Variants in SRRM3 observed in about 807,000 individuals in gnomAD.
SRRM3 encodes the protein serine/arginine repetitive matrix 3.
In SRRM3, 27 loss-of-function variants were observed where a neutral mutation model predicts 66.2. The ratio of observed to expected loss-of-function variants is 0.41; its 90% CI spans 0.30 to 0.56. SRRM3 has a LOEUF of 0.56. SRRM3 is among the 20% of genes least tolerant of loss of function. The probability of loss-of-function intolerance (pLI) is 0.32; values close to 1 mark genes in which losing one functional copy is unlikely to be tolerated. For missense variants in SRRM3, 918 were observed against 991.9 expected (o/e 0.93, Z 1.00); for synonymous variants, 391 against 414.9 (o/e 0.94, Z 0.70).
chr7:76,246,586 G>A (rs3857781), intron 2 of SRRM3, among the ~76,000 whole-genome samples: 35,231 of 151,570 alleles, frequency 0.23, 4,404 homozygotes, highest in East Asian at 0.45. Context: ...TTAAAAAAAA[G>A]AGAGAAAAGA....
chr7:76,275,843 G>A (rs1310639587), intron 11 of SRRM3, among the ~76,000 whole-genome samples: 1 of 152,076 alleles, frequency 6.6e-6, no homozygotes, highest in African/African-American at 2.4e-5. Context: ...AGGAGGCCGA[G>A]GCAGGAGGAT....
intron 3 of SRRM3, among the ~76,000 whole-genome samples, chr7:76,253,543 C>T (rs138421501): frequency 0.072 from 10,975 of 151,538 alleles, 957 homozygotes; most frequent in African/African-American, 0.2. Flanking sequence ...ATGGCGTGAA[C>T]CCGGGAGGTG....
chr7:76,267,909 C>G (rs1403146622), intron 11 of SRRM3: 1 of 152,606 alleles, frequency 6.6e-6, no homozygotes, highest in Non-Finnish European at 1.4e-5. Flanking sequence ...GGCCCCACCT[C>G]TGAGCACCCC....
intron 1 of SRRM3, among the ~76,000 whole-genome samples, chr7:76,222,779 G>T (rs1442187650): frequency 2.0e-5 from 3 of 151,930 alleles, no homozygotes; most frequent in Non-Finnish European, 4.4e-5. Context: ...CCGCCACCAT[G>T]CCTGGCTAAT....
intron 1 of SRRM3, among the ~76,000 whole-genome samples, chr7:76,231,463 C>A (rs1801012936): frequency 6.6e-6 from 1 of 152,244 alleles, no homozygotes; most frequent in Non-Finnish European, 1.5e-5. Flanking sequence ...CAGCTTTCCG[C>A]CTCTGCCCTC....
At chr7:76,210,473 G>A (rs900154787) in intron 1 of SRRM3, among the ~76,000 whole-genome samples, 3 of 152,282 alleles carry the variant, frequency 2.0e-5, no homozygotes, top group Middle Eastern at 3.4e-3. Context: ...AGCAGAGATC[G>A]TCCTTGATTC....
At chr7:76,228,531 T>G (rs1314507133) in intron 1 of SRRM3, among the ~76,000 whole-genome samples, 1 of 152,048 alleles carries the variant, frequency 6.6e-6, no homozygotes, top group Admixed American at 6.6e-5. Flanking sequence ...AAGACCAGTC[T>G]GGCCAACATA....
At chr7:76,219,321 G>T (rs1800655498) in intron 1 of SRRM3, among the ~76,000 whole-genome samples, 1 of 152,184 alleles carries the variant, frequency 6.6e-6, no homozygotes, top group Admixed American at 6.6e-5. Context: ...ACATCAATCT[G>T]CACTGATCTC....
In SRRM3 at chr7:76,283,063, G is replaced by T; in HGVS notation, c.1695G>T (p.Arg565=). The part of the protein sequence containing the change: ...RSYSPIRKRR[R]DSPSFMEPRR... Reference sequence around the variant, plus strand: ...ACTCGCCCATCCGCAAGCGGCGCCGGGACTCGCCAAGCTTCATGGAGCCGC... The same window carrying T: ...ACTCGCCCATCCGCAAGCGGCGCCGTGACTCGCCAAGCTTCATGGAGCCGC... Residue 565 remains arginine (R), a synonymous_variant, in exon 14 of 15, where the codon CGG becomes CGT. Transcript: ENST00000611745. 6.7e-7 allele frequency: 1 copy of T among 1,486,188 alleles called. No individual in the cohort carries two copies. Among genetic ancestry groups the T allele is most frequent in the Non-Finnish European group, 8.9e-7 (1 of 1,129,386 alleles). 92.1% of individuals were successfully genotyped at this position (1,486,188 alleles called of 1,614,324 possible).
intron 1 of SRRM3, among the ~76,000 whole-genome samples, chr7:76,234,411 A>G (rs1399318956): frequency 6.6e-6 from 1 of 152,126 alleles, no homozygotes; most frequent in Non-Finnish European, 1.5e-5. Flanking sequence ...TGTGGGCCCA[A>G]TCTGGGTGAG....
At chr7:76,234,874 C>T (rs895426608) in intron 1 of SRRM3, 154 bp from the exon 2 acceptor site, 4 of 583,800 alleles carry the variant, frequency 6.9e-6, no homozygotes, top group Non-Finnish European at 8.9e-6. Flanking sequence ...CCCAAAGGTG[C>T]AAACCAGCCG....
chr7:76,285,937 C>T lies in SRRM3; in HGVS notation c.*94C>T. ...GTGGGGAGGGGGCTATATCTCCTTGCCCCCAAGGCTACAAAGAGGTCTCAG... is the reference window on the plus strand; with the variant it reads ...GTGGGGAGGGGGCTATATCTCCTTGTCCCCAAGGCTACAAAGAGGTCTCAG... On this transcript the variant is annotated 3_prime_UTR_variant, in exon 15 of 15. Transcript: ENST00000611745. The surrounding 1 kb of genome is among the most constrained non-coding windows in gnomAD (Gnocchi z 4.1). 1 of 1,335,002 alleles carries T rather than the reference C, an allele frequency of 7.5e-7. No homozygotes were observed. The highest frequency in any genetic ancestry group is 1.0e-6 in the Non-Finnish European group (1 of 986,874). The allele number at this position is 1,335,002 out of a possible 1,614,324, so 82.7% of individuals were successfully genotyped here.
intron 14 of SRRM3, chr7:76,283,784 A>C (rs1583948946): frequency 1.0e-6 from 1 of 985,406 alleles, no homozygotes; most frequent in Non-Finnish European, 1.2e-6. Flanking sequence ...TGGTGAAGCC[A>C]TTATCAGTTT....
At chr7:76,234,995 C>A in intron 1 of SRRM3, 33 bp from the exon 2 acceptor site, 1 of 1,304,742 alleles carries the variant, frequency 7.7e-7, no homozygotes, top group Non-Finnish European at 1.0e-6. Flanking sequence ...GAAGAAGTGA[C>A]CATCCCGCCT....
chr7:76,260,249 C>T (rs925710456), intron 5 of SRRM3, 52 bp downstream of exon 5: 287 of 1,376,742 alleles, frequency 2.1e-4, no homozygotes, highest in Admixed American at 2.8e-4. Context: ...TGGGGTCTCT[C>T]CCCGGATGCC....
intron 3 of SRRM3, among the ~76,000 whole-genome samples, chr7:76,256,010 G>T (rs1213059170): frequency 6.6e-6 from 1 of 152,100 alleles, no homozygotes; most frequent in Non-Finnish European, 1.5e-5. Flanking sequence ...CTCAAAGGTG[G>T]TCTGTTCTTT....
At chr7:76,258,728 A>AG (rs1801779653) in intron 3 of SRRM3, among the ~76,000 whole-genome samples, 1 of 139,324 alleles carries the variant, frequency 7.2e-6, no homozygotes, top group Admixed American at 7.1e-5. Flanking sequence ...AAAAAAAAAA[A>AG]AAAAAGAAAA....
chr7:76,219,977 G>A (rs781930439), intron 1 of SRRM3, among the ~76,000 whole-genome samples: 1 of 152,178 alleles, frequency 6.6e-6, no homozygotes, highest in Admixed American at 6.5e-5. Flanking sequence ...ATGACCATGA[G>A]GCCCATGCAA....
At chr7:76,229,759 T>TTTC (rs1800966743) in intron 1 of SRRM3, among the ~76,000 whole-genome samples, 1 of 146,170 alleles carries the variant, frequency 6.8e-6, no homozygotes, top group African/African-American at 2.7e-5. Context: ...TTTTTTTTTT[T>TTTC]TTGAGACGGA....
Sources: allele counts gnomAD v4.1 joint callset (sites outside exome capture counted in the v4.1 genomes callset), GRCh38; gene constraint gnomAD v4.1.1; non-coding constraint Gnocchi (gnomAD v3.1); transcripts MANE v1.5; gene names NCBI Gene and HGNC (gene_info 2026-07-23, HGNC 2026-07-21).